MROH9: variants seen among roughly 807,000 people sequenced by gnomAD.
MROH9 encodes maestro heat-like repeat-containing protein family member 9.
MROH9 carries 92 observed loss-of-function variants against 98.2 expected under a neutral mutation model. That is an observed-to-expected ratio of 0.94 (90% CI 0.79 to 1.11). MROH9 has a LOEUF of 1.11. Ranked by LOEUF, MROH9 falls within the 50% of genes most tolerant of loss-of-function variation. MROH9 has a pLI of 0.00. For synonymous variants in MROH9, 397 were observed against 368.9 expected (o/e 1.08, Z -0.87); for missense variants, 1,057 against 1,014.8 (o/e 1.04, Z -0.57).
intron 5 of MROH9, 91 bp downstream of exon 5, chr1:170,959,688 G>T: frequency 1.7e-6 from 2 of 1,193,624 alleles, no homozygotes; most frequent in South Asian, 1.8e-5. Flanking sequence ...TAATCTTTAG[G>T]GTCCTCCTCT....
chr1:170,975,566 T>C (rs1190019209), intron 8 of MROH9, among the ~76,000 whole-genome samples: 2 of 152,186 alleles, frequency 1.3e-5, no homozygotes, highest in East Asian at 3.8e-4. Context: ...CTTCCCACTT[T>C]TATGAGTCTC....
chr1:171,032,709 G>C (rs1652963871), intron 20 of MROH9, among the ~76,000 whole-genome samples: 1 of 152,174 alleles, frequency 6.6e-6, no homozygotes, highest in Non-Finnish European at 1.5e-5. Flanking sequence ...GATCGCTCTT[G>C]TATAGGGTTT....
rs183637744 is a variant in MROH9 at position 171,007,869 on chromosome 1, G to A, written c.1597-6248G>A. Among the ~76,000 whole-genome samples the A allele has an allele frequency of 1.4e-4, 22 of 152,212 alleles. No individual in the cohort carries two copies. In the East Asian group the frequency reaches 1.7e-3, roughly 12 times the overall value. On this transcript the variant is annotated intron_variant, in intron 15 of 21. Transcript: ENST00000367759. The stretch of plus-strand genomic sequence containing the variant: ...CTGTAGCCAAGTCTGCAGAGAGACC[G>A]GGTCATTTCTGGGTTTAGAACCAGG...
chr1:171,003,309 A>G (rs28882188), intron 15 of MROH9, among the ~76,000 whole-genome samples: 36,200 of 152,018 alleles, frequency 0.24, 5,165 homozygotes, highest in African/African-American at 0.4. Flanking sequence ...GAGGGATGTC[A>G]ATGAACCTTG....
At chr1:170,952,677 C>T (rs1335882973) in intron 3 of MROH9, among the ~76,000 whole-genome samples, 1 of 151,358 alleles carries the variant, frequency 6.6e-6, no homozygotes, top group Non-Finnish European at 1.5e-5. Flanking sequence ...TGCAGCACAC[C>T]AACATGGCAC....
chr1:170,969,333 C>T (rs1191851391), intron 7 of MROH9, among the ~76,000 whole-genome samples: 1 of 152,128 alleles, frequency 6.6e-6, no homozygotes, highest in East Asian at 1.9e-4. Context: ...CAAAAGGCTA[C>T]ATTTTGTATG....
rs114352867 is a variant in MROH9 at position 171,019,374 on chromosome 1, C to A, written c.1908+3038C>A. Among the ~76,000 whole-genome samples the A allele has an allele frequency of 8.7e-3, 1,319 of 152,048 alleles. 16 individuals carry two copies. Among genetic ancestry groups the A allele is most frequent in the African/African-American group, 0.031 (1,270 of 41,506 alleles). ...CATGTCATAAGGCTAGAAACATCGG[C>A]CAGGAGAAGTGGCTGATGCCTGTAA... On this transcript the variant is annotated intron_variant, in intron 17 of 21. Transcript: ENST00000367759.
chr1:170,953,895 A>AG (rs1553210092), intron 3 of MROH9, among the ~76,000 whole-genome samples: 1 of 149,792 alleles, frequency 6.7e-6, no homozygotes, highest in Non-Finnish European at 1.5e-5. Context: ...AAGAAAGAAA[A>AG]AAAGAGAGAG....
intron 15 of MROH9, among the ~76,000 whole-genome samples, chr1:171,013,653 C>G (rs1001645293): frequency 1.3e-5 from 2 of 152,122 alleles, no homozygotes; most frequent in African/African-American, 4.8e-5. Context: ...ATCAGTCTCT[C>G]TAGCTTGCCT....
At chr1:171,006,326 T>C (rs1408852581) in intron 15 of MROH9, among the ~76,000 whole-genome samples, 7 of 152,234 alleles carry the variant, frequency 4.6e-5, no homozygotes, top group Non-Finnish European at 7.3e-5. Flanking sequence ...GAGAAGTCTC[T>C]TTGTCTTTTC....
At chr1:171,035,682 C>A (rs1653078535) in intron 20 of MROH9, among the ~76,000 whole-genome samples, 1 of 152,078 alleles carries the variant, frequency 6.6e-6, no homozygotes, top group Non-Finnish European at 1.5e-5. Flanking sequence ...ATATTTGACT[C>A]CATTGTTCAT....
chr1:171,004,995 A>G (rs1338119812), intron 15 of MROH9, among the ~76,000 whole-genome samples: 2 of 146,458 alleles, frequency 1.4e-5, no homozygotes, highest in Non-Finnish European at 1.5e-5. Flanking sequence ...TTTTTTTTCT[A>G]TTTCTGTAAA....
chr1:171,009,570 A>C (rs1483606085), intron 15 of MROH9, among the ~76,000 whole-genome samples: 1 of 152,262 alleles, frequency 6.6e-6, no homozygotes, highest in Non-Finnish European at 1.5e-5. Context: ...AAGTTAATAT[A>C]AACTCTTATG....
chr1:170,976,277 C>T (rs28753110), intron 8 of MROH9, among the ~76,000 whole-genome samples: 13,549 of 152,178 alleles, frequency 0.089, 668 homozygotes, highest in Middle Eastern at 0.14. Flanking sequence ...TTTGCTGTGA[C>T]TGGTACTGGT....
chr1:171,045,125 C>T (rs1157766132), intron 20 of MROH9, among the ~76,000 whole-genome samples: 1 of 150,428 alleles, frequency 6.6e-6, no homozygotes, highest in South Asian at 2.1e-4. Context: ...CCTCAGCCTC[C>T]GAGTAGCTGG....
intron 15 of MROH9, among the ~76,000 whole-genome samples, chr1:171,010,446 A>ATACC (rs759265081): frequency 1.1e-4 from 16 of 152,334 alleles, no homozygotes; most frequent in African/African-American, 3.6e-4. Context: ...CTTTGGGTAT[A>ATACC]TACCTAGTAA....
At chr1:171,033,561 T>C (rs1652999175) in intron 20 of MROH9, among the ~76,000 whole-genome samples, 1 of 152,152 alleles carries the variant, frequency 6.6e-6, no homozygotes, top group South Asian at 2.1e-4. Context: ...TGTTCTTCCT[T>C]CTCTCTGTGG....
chr1:170,987,313 G>A (rs898586615), intron 10 of MROH9, among the ~76,000 whole-genome samples: 1 of 152,220 alleles, frequency 6.6e-6, no homozygotes, highest in African/African-American at 2.4e-5. Flanking sequence ...TAGTATAGCT[G>A]TAATTGAAAT....
chr1:171,063,016 T>C (rs1378378880), intron 21 of MROH9, among the ~76,000 whole-genome samples: 1 of 152,094 alleles, frequency 6.6e-6, no homozygotes, highest in Non-Finnish European at 1.5e-5. Flanking sequence ...CACTCACTCA[T>C]TCATTCATTC....
Sources: gnomAD v4.1 joint callset for allele counts (sites outside exome capture counted in the v4.1 genomes callset) on GRCh38, gnomAD v4.1.1 for gene constraint, MANE v1.5 for transcripts, NCBI Gene and HGNC (gene_info 2026-07-23, HGNC 2026-07-21) for gene names.